TMEFF2: variants seen among roughly 807,000 people sequenced by gnomAD.
TMEFF2 encodes tomoregulin-2.
A neutral mutation model predicts 53.8 loss-of-function variants in TMEFF2; 28 were observed. The observed-to-expected ratio is 0.52, with a 90% CI of 0.39 to 0.71. The LOEUF (loss-of-function observed/expected upper bound fraction) is 0.71, where lower values mean the gene tolerates loss of function less well. Ranked by LOEUF, TMEFF2 falls within the 30% of genes least tolerant of loss-of-function variation. The pLI, the probability that TMEFF2 is intolerant of heterozygous loss-of-function variation, is 0.00. For missense variants in TMEFF2, 353 were observed against 455.2 expected, an observed-to-expected ratio of 0.78 and a Z score of 2.04; for synonymous variants, 162 against 166.3, an observed-to-expected ratio of 0.97 and a Z score of 0.20.
intron 5 of TMEFF2, among the ~76,000 whole-genome samples, chr2:192,008,051 TC>T (rs1458397477): frequency 1.3e-5 from 2 of 152,190 alleles, no homozygotes; most frequent in East Asian, 3.9e-4. Context: ...AGGAAAGCTT[TC>T]TTTCCTCATA....
chr2:192,169,386 T>A (rs752693736), intron 4 of TMEFF2, among the ~76,000 whole-genome samples: 2 of 152,098 alleles, frequency 1.3e-5, no homozygotes, highest in Non-Finnish European at 2.9e-5. Context: ...TGAACTACTA[T>A]CAACAAAAAG....
At chr2:192,168,644 A>T (rs7561194) in intron 4 of TMEFF2, among the ~76,000 whole-genome samples, 4,774 of 151,972 alleles carry the variant, frequency 0.031, 227 homozygotes, top group African/African-American at 0.11. Context: ...GCATGCCATT[A>T]TTTTTTTATT....
rs1465959582 is a variant in TMEFF2, at chr2:192,030,923, G to A, written c.536+26756C>T. Among the ~76,000 whole-genome samples the A allele has an allele frequency of 3.3e-5, 5 of 152,194 alleles. No homozygotes were observed. In the East Asian group the frequency reaches 7.7e-4, roughly 24 times the overall value. ...AGAACAGAAATACTGCAGGTTGGGCGGGGCGGGGAGTTGATGGGTTAAATT... is the reference window on the plus strand; with the variant it reads ...AGAACAGAAATACTGCAGGTTGGGCAGGGCGGGGAGTTGATGGGTTAAATT... On this transcript the variant is annotated intron_variant, in intron 5 of 9. Coordinates refer to ENST00000272771, the MANE Select transcript of TMEFF2 (RefSeq NM_016192.4).
intron 5 of TMEFF2, among the ~76,000 whole-genome samples, chr2:192,054,644 G>T (rs1369217289): frequency 6.6e-6 from 1 of 152,066 alleles, no homozygotes; most frequent in Non-Finnish European, 1.5e-5. Flanking sequence ...CTCTAACCTT[G>T]CAGGCCTTGG....
intron 4 of TMEFF2, among the ~76,000 whole-genome samples, chr2:192,127,437 A>T (rs1689703777): frequency 6.6e-6 from 1 of 152,068 alleles, no homozygotes; most frequent in Admixed American, 6.6e-5. Flanking sequence ...CTTCTCTCCT[A>T]CTTCTCTCTT....
chr2:192,059,334 A>T (rs1489626187), intron 4 of TMEFF2, among the ~76,000 whole-genome samples: 1 of 152,088 alleles, frequency 6.6e-6, no homozygotes, highest in African/African-American at 2.4e-5. Context: ...AATAGACAGC[A>T]CTTATCTTAT....
At chr2:192,086,435 G>C (rs925802611) in intron 4 of TMEFF2, among the ~76,000 whole-genome samples, 3 of 152,094 alleles carry the variant, frequency 2.0e-5, no homozygotes, top group Non-Finnish European at 2.9e-5. Context: ...CCAAATCCCT[G>C]ATTATGGAAA....
chr2:192,163,897 A>G (rs1690691475), intron 4 of TMEFF2, among the ~76,000 whole-genome samples: 1 of 152,178 alleles, frequency 6.6e-6, no homozygotes, highest in African/African-American at 2.4e-5. Context: ...GTTCACACCA[A>G]TAACAATATA....
At chr2:192,085,882 T>C (rs1242193740) in intron 4 of TMEFF2, among the ~76,000 whole-genome samples, 1 of 152,142 alleles carries the variant, frequency 6.6e-6, no homozygotes, top group East Asian at 1.9e-4. Flanking sequence ...TAGAGAACTC[T>C]GCATTTCAAA....
intron 4 of TMEFF2, among the ~76,000 whole-genome samples, chr2:192,166,825 T>C (rs1690780894): frequency 6.6e-6 from 1 of 152,166 alleles, no homozygotes; most frequent in South Asian, 2.1e-4. Context: ...CATTGTCAGG[T>C]ATTCTTTTAA....
chr2:191,958,473 GA>G (rs1692171795), intron 7 of TMEFF2, among the ~76,000 whole-genome samples: 1 of 152,126 alleles, frequency 6.6e-6, no homozygotes, highest in Admixed American at 6.6e-5. Flanking sequence ...TTTTTAAAGT[GA>G]AAATCCGGTT....
At chr2:192,095,875 G>A (rs1574368365) in intron 4 of TMEFF2, among the ~76,000 whole-genome samples, 1 of 152,130 alleles carries the variant, frequency 6.6e-6, no homozygotes, top group Admixed American at 6.6e-5. Flanking sequence ...ATGTATGTAA[G>A]AGAAGTATCC....
At chr2:191,990,944 G>A (rs1574271555) in intron 7 of TMEFF2, among the ~76,000 whole-genome samples, 1 of 152,052 alleles carries the variant, frequency 6.6e-6, no homozygotes, top group East Asian at 1.9e-4. Flanking sequence ...TGACTTTGAA[G>A]GTTACATTGA....
At chr2:192,071,532 T>C (rs190652407) in intron 4 of TMEFF2, among the ~76,000 whole-genome samples, 24 of 151,978 alleles carry the variant, frequency 1.6e-4, no homozygotes, top group African/African-American at 5.5e-4. Flanking sequence ...GCTACCTGAT[T>C]GGTTACCCTA....
chr2:192,184,137 C>G (rs993245295), intron 3 of TMEFF2, among the ~76,000 whole-genome samples: 1 of 152,050 alleles, frequency 6.6e-6, no homozygotes, highest in East Asian at 1.9e-4. Flanking sequence ...CTTAAATCTA[C>G]CAGTGTCCTT....
At chr2:192,121,484 G>T (rs1689553031) in intron 4 of TMEFF2, among the ~76,000 whole-genome samples, 2 of 152,138 alleles carry the variant, frequency 1.3e-5, no homozygotes, top group Non-Finnish European at 2.9e-5. Flanking sequence ...GGCTATAGGG[G>T]CAAGATAAGG....
intron 7 of TMEFF2, among the ~76,000 whole-genome samples, chr2:191,969,141 ATGTG>A (rs71405031): frequency 6.7e-6 from 1 of 150,208 alleles, no homozygotes; most frequent in South Asian, 2.1e-4. Context: ...GTGTGTATCT[ATGTG>A]TGTGTGTGTA....
intron 5 of TMEFF2, among the ~76,000 whole-genome samples, chr2:192,015,307 G>GAT (rs1553513624): frequency 1.7e-5 from 1 of 57,448 alleles, no homozygotes; most frequent in Non-Finnish European, 3.6e-5. Context: ...TATCACTGAA[G>GAT]CTTTTTTTTT....
At chr2:192,022,101 T>G (rs1002713391) in intron 5 of TMEFF2, 1 of 152,192 alleles carries the variant, frequency 6.6e-6, no homozygotes, top group African/African-American at 2.4e-5. Flanking sequence ...CTATGGAGGG[T>G]GCCAGGTGCA....
Sources: gnomAD v4.1 joint callset for allele counts (sites outside exome capture counted in the v4.1 genomes callset) on GRCh38, gnomAD v4.1.1 for gene constraint, MANE v1.5 for transcripts, NCBI Gene and HGNC (gene_info 2026-07-23, HGNC 2026-07-21) for gene names.